EDIL3: variants seen among roughly 807,000 people sequenced by gnomAD.
The protein encoded by EDIL3 is EGF like and discoidin domains 3, also known as EGF-like repeat and discoidin I-like domain-containing protein 3.
A neutral mutation model predicts 67.4 loss-of-function variants in EDIL3; 37 were observed. That is an observed-to-expected ratio of 0.55 (90% confidence interval 0.42 to 0.72). EDIL3 has a LOEUF of 0.72. Among genes scored for constraint, EDIL3 ranks in the 30% least tolerant of loss-of-function variants. EDIL3 has a pLI of 0.00. For synonymous variants in EDIL3, 195 were observed against 196.3 expected (o/e 0.99, Z 0.05); for missense variants, 527 against 586.3 (o/e 0.90, Z 1.04).
At chr5:84,299,275 A>G in intron 1 of EDIL3, among the ~76,000 whole-genome samples, 1 of 152,334 alleles carries the variant, frequency 6.6e-6, no homozygotes, top group South Asian at 2.1e-4. Flanking sequence ...AAGAAGGAGC[A>G]TGGAACTGGA....
intron 1 of EDIL3, among the ~76,000 whole-genome samples, chr5:84,329,651 G>C (rs527840491): frequency 7.9e-5 from 12 of 151,924 alleles, no homozygotes; most frequent in Non-Finnish European, 1.5e-4. Flanking sequence ...GTTACTATTG[G>C]TATTTTGCTT....
At chr5:84,350,918 C>T (rs1485618121) in intron 1 of EDIL3, among the ~76,000 whole-genome samples, 2 of 151,960 alleles carry the variant, frequency 1.3e-5, no homozygotes, top group African/African-American at 4.8e-5. Context: ...AAACATTTAA[C>T]CAATATGTAA....
chr5:84,172,083 C>T (rs906577736), intron 4 of EDIL3, among the ~76,000 whole-genome samples: 16 of 152,098 alleles, frequency 1.1e-4, no homozygotes, highest in African/African-American at 3.6e-4. Flanking sequence ...TGTGAGATCC[C>T]TTAGTTTACA....
chr5:84,003,446 G>T (rs180941424), intron 9 of EDIL3, among the ~76,000 whole-genome samples: 2 of 152,292 alleles, frequency 1.3e-5, no homozygotes, highest in East Asian at 1.9e-4. Flanking sequence ...TGAGAGGGAA[G>T]CTCACACTCT....
intron 1 of EDIL3, among the ~76,000 whole-genome samples, chr5:84,355,157 T>C (rs951964287): frequency 1.3e-5 from 2 of 152,144 alleles, no homozygotes; most frequent in Admixed American, 1.3e-4. Flanking sequence ...CACAGTCCCA[T>C]ATTTCTTTGA....
intron 5 of EDIL3, among the ~76,000 whole-genome samples, chr5:84,113,057 T>C (rs780359751): frequency 6.6e-6 from 1 of 152,170 alleles, no homozygotes; most frequent in African/African-American, 2.4e-5. Flanking sequence ...ATGTAACTGA[T>C]AGTGGTCTGT....
intron 3 of EDIL3, among the ~76,000 whole-genome samples, chr5:84,184,535 A>G (rs1749066137): frequency 6.6e-6 from 1 of 152,208 alleles, no homozygotes; most frequent in Admixed American, 6.5e-5. Flanking sequence ...ATCTAGCTCT[A>G]TAATAACAGC....
intron 5 of EDIL3, among the ~76,000 whole-genome samples, chr5:84,113,907 C>G (rs746976221): frequency 3.3e-5 from 5 of 152,128 alleles, no homozygotes; most frequent in Non-Finnish European, 5.9e-5. Context: ...CTTAATACAG[C>G]GTGATAATTG....
intron 4 of EDIL3, among the ~76,000 whole-genome samples, chr5:84,151,299 C>T (rs963919886): frequency 1.4e-5 from 2 of 146,830 alleles, no homozygotes; most frequent in Non-Finnish European, 3.0e-5. Flanking sequence ...ACACACACCC[C>T]GACACTCCAT....
intron 3 of EDIL3, among the ~76,000 whole-genome samples, chr5:84,213,766 G>C (rs1580380406): frequency 6.6e-6 from 1 of 151,938 alleles, no homozygotes; most frequent in South Asian, 2.1e-4. Context: ...ACTATACCCA[G>C]GTATGTTTTA....
intron 1 of EDIL3, among the ~76,000 whole-genome samples, chr5:84,299,743 T>C (rs1014293948): frequency 2.6e-5 from 4 of 152,246 alleles, no homozygotes; most frequent in Non-Finnish European, 4.4e-5. Context: ...ATGACCTTTG[T>C]ATGTATGTAC....
At chr5:83,987,849 G>A (rs932882899) in intron 9 of EDIL3, among the ~76,000 whole-genome samples, 12 of 120,136 alleles carry the variant, frequency 1.0e-4, no homozygotes, top group Non-Finnish European at 1.7e-5. Context: ...TTTTGCAGCT[G>A]ATAGGGTGTG....
At chr5:84,094,497 G>GA (rs1463042753) in intron 6 of EDIL3, among the ~76,000 whole-genome samples, 1 of 151,260 alleles carries the variant, frequency 6.6e-6, no homozygotes, top group African/African-American at 2.4e-5. Flanking sequence ...TCTGTAACTA[G>GA]AAAAAAGGCT....
At chr5:84,020,307 C>A (rs1745692031) in intron 9 of EDIL3, among the ~76,000 whole-genome samples, 1 of 151,918 alleles carries the variant, frequency 6.6e-6, no homozygotes, top group South Asian at 2.1e-4. Context: ...TATATTCACC[C>A]AAAGGAAATA....
At chr5:84,272,874 C>T (rs955146352) in intron 1 of EDIL3, among the ~76,000 whole-genome samples, 5 of 151,946 alleles carry the variant, frequency 3.3e-5, no homozygotes, top group African/African-American at 4.8e-5. Flanking sequence ...GAAGCTGCCA[C>T]GATGGATGTC....
chr5:84,068,145 T>C (rs1262419944), intron 6 of EDIL3, among the ~76,000 whole-genome samples: 1 of 152,234 alleles, frequency 6.6e-6, no homozygotes, highest in African/African-American at 2.4e-5. Context: ...AAAGAGGGAA[T>C]GTTTGAAAGA....
At chr5:84,289,461 G>A (rs910172727) in intron 1 of EDIL3, among the ~76,000 whole-genome samples, 1 of 152,088 alleles carries the variant, frequency 6.6e-6, no homozygotes, top group Non-Finnish European at 1.5e-5. Context: ...CTCTTAACGA[G>A]CTCTTTCTGC....
chr5:84,363,106 A>G lies in EDIL3; in HGVS notation c.67+21202T>C, dbSNP rs192401570. 3.9e-3 allele frequency among the ~76,000 whole-genome samples: 588 copies of G among 152,236 alleles called. 2 individuals are homozygous for G. The highest frequency in any genetic ancestry group is 0.013 in the African/African-American group (552 of 41,544). On this transcript the variant is annotated intron_variant, in intron 1 of 10. Coordinates refer to ENST00000296591, the MANE Select transcript of EDIL3 (RefSeq NM_005711.5). Reference sequence around the variant, plus strand: ...ATAATAAAGTATTAATAACTTTTGTATAAATATATATTTACAGTTCCTAGA... The same window carrying G: ...ATAATAAAGTATTAATAACTTTTGTGTAAATATATATTTACAGTTCCTAGA...
chr5:84,177,342 G>A (rs1165990761), intron 4 of EDIL3, among the ~76,000 whole-genome samples: 1 of 152,110 alleles, frequency 6.6e-6, no homozygotes, highest in Non-Finnish European at 1.5e-5. Context: ...GTCTTAAAAG[G>A]CTACATACTA....
Sources: allele counts gnomAD v4.1 joint callset (sites outside exome capture counted in the v4.1 genomes callset), GRCh38; gene constraint gnomAD v4.1.1; transcripts MANE v1.5; gene names NCBI Gene and HGNC (gene_info 2026-07-23, HGNC 2026-07-21).